The following STK32A variants were observed in gnomAD, a reference collection of about 807,000 sequenced individuals.
STK32A encodes the protein serine/threonine kinase 32A.
Under a neutral mutation model 53.2 loss-of-function variants are expected in STK32A, and 41 were observed. The ratio of observed to expected loss-of-function variants is 0.77; its 90% CI spans 0.60 to 1.00. The LOEUF is 1.00. Ranked by LOEUF, STK32A falls within the 50% of genes least tolerant of loss-of-function variation. The pLI, the probability that STK32A is intolerant of heterozygous loss-of-function variation, is 0.00. For synonymous variants in STK32A, 166 were observed against 162.8 expected (o/e 1.02, Z -0.15); for missense variants, 458 against 485.8 (o/e 0.94, Z 0.54).
At chr5:147,383,299 A>G in intron 11 of STK32A, 142 bp from the exon 12 acceptor site, 1 of 709,920 alleles carries the variant, frequency 1.4e-6, no homozygotes, top group Non-Finnish European at 2.4e-6. Flanking sequence ...TCTTCTTCAC[A>G]TAGCATCCAT....
At chr5:147,273,037 G>GA (rs1246694514) in intron 2 of STK32A, among the ~76,000 whole-genome samples, 2 of 152,006 alleles carry the variant, frequency 1.3e-5, no homozygotes, top group Admixed American at 6.6e-5. Context: ...CTCAAAAATA[G>GA]AAAAAAAGGG....
intron 6 of STK32A, among the ~76,000 whole-genome samples, chr5:147,348,411 C>T (rs1351193359): frequency 2.6e-5 from 4 of 152,122 alleles, no homozygotes; most frequent in Admixed American, 6.6e-5. Context: ...TAAATATTGG[C>T]GCCCAACCCA....
intron 8 of STK32A, among the ~76,000 whole-genome samples, chr5:147,365,277 CTGTT>C: frequency 6.6e-6 from 1 of 152,284 alleles, no homozygotes; most frequent in South Asian, 2.1e-4. Flanking sequence ...ACAATTGTAT[CTGTT>C]TCATTCACTC....
At chr5:147,278,204 CCA>C (rs1285359160) in intron 3 of STK32A, 25 bp downstream of exon 3, 1 of 1,576,760 alleles carries the variant, frequency 6.3e-7, no homozygotes, top group East Asian at 2.3e-5. Flanking sequence ...AAATGATTAA[CCA>C]CCAGCAGGGT....
chr5:147,378,002 CT>C (rs1315134614), intron 11 of STK32A, among the ~76,000 whole-genome samples: 2 of 152,080 alleles, frequency 1.3e-5, no homozygotes, highest in African/African-American at 2.4e-5. Context: ...AGATTATGAA[CT>C]ATTTTTCTGA....
At chr5:147,289,163 GT>G (rs370518183) in intron 4 of STK32A, among the ~76,000 whole-genome samples, 2 of 151,562 alleles carry the variant, frequency 1.3e-5, no homozygotes, top group Non-Finnish European at 2.9e-5. Flanking sequence ...TGCTTGTTTT[GT>G]TTTGTTTTCT....
At chr5:147,333,288 C>T (rs1003996086) in intron 5 of STK32A, among the ~76,000 whole-genome samples, 7 of 152,054 alleles carry the variant, frequency 4.6e-5, no homozygotes, top group African/African-American at 9.7e-5. Flanking sequence ...TTTATCAGGG[C>T]GTAACCCATT....
the STK32A span, chr5:147,394,238 C>T: frequency 1.0e-6 from 1 of 998,538 alleles, no homozygotes; most frequent in East Asian, 2.6e-5. Flanking sequence ...AAGTGCCTTG[C>T]TGGCCTCACC....
intron 4 of STK32A, among the ~76,000 whole-genome samples, chr5:147,305,178 G>A (rs1233229521): frequency 6.6e-6 from 1 of 152,076 alleles, no homozygotes; most frequent in Non-Finnish European, 1.5e-5. Context: ...ACATGACCAG[G>A]GAAGATTAGG....
chr5:147,323,661 A>G (rs939918670), intron 4 of STK32A, among the ~76,000 whole-genome samples: 1 of 152,208 alleles, frequency 6.6e-6, no homozygotes, highest in Non-Finnish European at 1.5e-5. Context: ...CATGACAATA[A>G]GTATTATAAT....
At chr5:147,383,420 T>A in intron 11 of STK32A, 21 bp from the exon 12 acceptor site, 1 of 1,577,888 alleles carries the variant, frequency 6.3e-7, no homozygotes, top group Non-Finnish European at 8.6e-7. Flanking sequence ...CCTCTATTTT[T>A]TTTCTACGTT....
chr5:147,254,163 C>T (rs1322449336), intron 2 of STK32A, among the ~76,000 whole-genome samples: 1 of 152,196 alleles, frequency 6.6e-6, no homozygotes, highest in African/African-American at 2.4e-5. Context: ...CTTAACCGAA[C>T]ATGTTATATC....
At chr5:147,395,047 T>C in the STK32A span, among the ~76,000 whole-genome samples, 1 of 152,234 alleles carries the variant, frequency 6.6e-6, no homozygotes, top group East Asian at 1.9e-4. Context: ...ACTAATCACA[T>C]GGCTAACACA....
chr5:147,287,303 T>C (rs1272344318), intron 4 of STK32A, among the ~76,000 whole-genome samples: 1 of 152,136 alleles, frequency 6.6e-6, no homozygotes, highest in Admixed American at 6.5e-5. Flanking sequence ...TTATGTTAAG[T>C]GGTGTTTCTT....
intron 4 of STK32A, among the ~76,000 whole-genome samples, chr5:147,317,516 C>T (rs577062243): frequency 1.3e-5 from 2 of 151,584 alleles, no homozygotes; most frequent in African/African-American, 2.4e-5. Context: ...TTAGTAGAGA[C>T]GGGTTTCACC....
At chr5:147,315,242 G>T (rs1753935509) in intron 4 of STK32A, among the ~76,000 whole-genome samples, 1 of 152,108 alleles carries the variant, frequency 6.6e-6, no homozygotes, top group Non-Finnish European at 1.5e-5. Flanking sequence ...CAAAATAATT[G>T]AAAGCAGGGA....
At chr5:147,278,473 A>G (rs925457461) in intron 3 of STK32A, among the ~76,000 whole-genome samples, 1 of 152,216 alleles carries the variant, frequency 6.6e-6, no homozygotes, top group African/African-American at 2.4e-5. Flanking sequence ...TGAAGATTTC[A>G]GAATCATTTT....
chr5:147,268,017 A>C (rs1754880862), intron 2 of STK32A, among the ~76,000 whole-genome samples: 1 of 152,228 alleles, frequency 6.6e-6, no homozygotes, highest in African/African-American at 2.4e-5. Flanking sequence ...ACAGATTCCC[A>C]GGTCCAGCCT....
chr5:147,348,258 T>C (rs1755781026), intron 6 of STK32A, among the ~76,000 whole-genome samples: 1 of 152,210 alleles, frequency 6.6e-6, no homozygotes, highest in Admixed American at 6.5e-5. Context: ...GTAAACAGCA[T>C]TTAAAAGGAA....
Sources: allele counts gnomAD v4.1 joint callset (sites outside exome capture counted in the v4.1 genomes callset), GRCh38; gene constraint gnomAD v4.1.1; transcripts MANE v1.5; gene names NCBI Gene and HGNC (gene_info 2026-07-23, HGNC 2026-07-21).